The following USH1C variants were observed in gnomAD, a reference collection of about 807,000 sequenced individuals.
USH1C encodes the protein harmonin.
Under a neutral mutation model 119.3 loss-of-function variants are expected in USH1C, and 90 were observed. That is an observed-to-expected ratio of 0.75 (90% CI 0.64 to 0.90). USH1C has a LOEUF of 0.90. USH1C is among the 40% of genes least tolerant of loss of function. USH1C has a pLI of 0.00. For missense variants in USH1C, 1,165 were observed against 1,167.7 expected (o/e 1.00, Z 0.03); for synonymous variants, 465 against 443.3 (o/e 1.05, Z -0.62).
At chr11:17,527,593 C>T (rs1261140099) in intron 4 of USH1C, among the ~76,000 whole-genome samples, 1 of 152,188 alleles carries the variant, frequency 6.6e-6, no homozygotes, top group African/African-American at 2.4e-5. Context: ...AGCGGGTGTG[C>T]AGCAGAGCTG....
intron 24 of USH1C, 195 bp from the exon 25 acceptor site, chr11:17,497,008 G>C: frequency 1.7e-6 from 1 of 593,452 alleles, no homozygotes; most frequent in South Asian, 2.0e-5. Context: ...CGGGACCATA[G>C]AGGACAGGGC....
chr11:17,538,638 A>T (rs1328134304), intron 1 of USH1C, among the ~76,000 whole-genome samples: 1 of 152,112 alleles, frequency 6.6e-6, no homozygotes, highest in Non-Finnish European at 1.5e-5. Context: ...TGTGTGCTAG[A>T]TCTTTTCCTT....
chr11:17,517,966 C>G (rs1850231212), intron 14 of USH1C, among the ~76,000 whole-genome samples: 1 of 152,094 alleles, frequency 6.6e-6, no homozygotes, highest in Admixed American at 6.6e-5. Context: ...TGGGGACATC[C>G]CAAAAGGTAA....
At chr11:17,507,872 A>G (rs905444570) in intron 18 of USH1C, among the ~76,000 whole-genome samples, 4 of 152,188 alleles carry the variant, frequency 2.6e-5, no homozygotes, top group Admixed American at 1.3e-4. Flanking sequence ...CCTCTACTCT[A>G]CAGAGGTGTC....
Position 17,531,267 on chromosome 11 carries a change from G to C in USH1C, c.274C>G (p.Arg92Gly), listed in dbSNP as rs775407483. ...AGGCCGAGGCCTTCGGGGTGCAGAC[G>C]GTCCAGACGCACCTCCTTCAGCTTC... ...SRKLKEVRLD[R>G]LHPEGLGLSV... Residue 92 changes from arginine (R) to glycine (G), a missense_variant, in exon 4 of 27, where the codon CGT becomes GGT. Arg to Gly is a moderately radical substitution (Grantham distance 125). Coordinates refer to ENST00000005226, the MANE Select transcript of USH1C (RefSeq NM_153676.4). The surrounding 1 kb of genome is among the most constrained non-coding windows in gnomAD (Gnocchi z 4.2). The C allele has an allele frequency of 6.2e-7, 1 of 1,614,130 alleles. No homozygotes were observed. The highest frequency in any genetic ancestry group is 8.5e-7 in the Non-Finnish European group (1 of 1,180,034).
chr11:17,522,735 G>T, intron 12 of USH1C, 49 bp downstream of exon 12: 1 of 1,612,700 alleles, frequency 6.2e-7, no homozygotes, highest in Non-Finnish European at 8.5e-7. Flanking sequence ...GTGGGGTCGT[G>T]TGGTGGGGTG....
chr11:17,531,043 G>T lies in USH1C; in HGVS notation c.387+111C>A. 6.5e-7 allele frequency: 1 copy of T among 1,547,028 alleles called. No homozygotes were observed. Among genetic ancestry groups the T allele is most frequent in the Non-Finnish European group, 8.8e-7 (1 of 1,135,486 alleles). ...TGCGCCAGCCTCTTCTTCACCCGAA[G>T]GCTCAGAAAAGTGGGTGACCATGTT... On this transcript the variant is annotated intron_variant, in intron 4 of 26. Coordinates refer to ENST00000005226, the MANE Select transcript of USH1C (RefSeq NM_153676.4). This position sits in a 1 kb window ranked among gnomAD's most constrained non-coding sequence, Gnocchi z 4.2.
intron 20 of USH1C, 126 bp from the exon 21 acceptor site, chr11:17,502,106 G>C: frequency 3.1e-6 from 3 of 957,174 alleles, no homozygotes; most frequent in Non-Finnish European, 4.7e-6. Flanking sequence ...GAGAAGGCAC[G>C]GCCAGGGTAC....
intron 13 of USH1C, 53 bp downstream of exon 13, chr11:17,521,293 C>T: frequency 6.3e-7 from 1 of 1,597,216 alleles, no homozygotes; most frequent in African/African-American, 1.3e-5. Context: ...GGCCACACTC[C>T]CCTGAGCACA....
chr11:17,514,383 T>G (rs1037070876), intron 15 of USH1C: 4 of 152,204 alleles, frequency 2.6e-5, no homozygotes, highest in Non-Finnish European at 5.9e-5. Flanking sequence ...CACACCCAGC[T>G]AATTTTTGAA....
At chr11:17,533,510 C>T (rs922428280) in intron 1 of USH1C, 188 bp from the exon 2 acceptor site, 36 of 659,554 alleles carry the variant, frequency 5.5e-5, no homozygotes, top group Non-Finnish European at 9.6e-5. Flanking sequence ...ATGCAGACCA[C>T]CCCAACGTGG....
At chr11:17,509,292 G>A in intron 18 of USH1C, 64 bp downstream of exon 18, 1 of 1,506,952 alleles carries the variant, frequency 6.6e-7, no homozygotes, top group Non-Finnish European at 8.9e-7. Context: ...TGGAGGACAT[G>A]GGAAACAGCA....
At chr11:17,500,805 T>A (rs1849406577) in intron 23 of USH1C, among the ~76,000 whole-genome samples, 1 of 152,012 alleles carries the variant, frequency 6.6e-6, no homozygotes, top group African/African-American at 2.4e-5. Flanking sequence ...TCTGAGTCCG[T>A]CTCCCACCCT....
At position 17,509,736 on chromosome 11, in the gene USH1C, C is replaced by T. The variant is rs568121291; in HGVS notation, c.1633G>A (p.Asp545Asn). 29 of 1,600,516 alleles carry T rather than the reference C, an allele frequency of 1.8e-5. No homozygotes were observed. The African/African-American group carries it at 2.2e-4, about 12-fold the overall frequency. ...GLHLHTTDLD[D>N]IPLDMFYYPP... ...TAGTAGAACATGTCCAAAGGGATGTCGTCCAGGTCAGTGGTGTGCAGGTGC... is the reference window on the plus strand; with the variant it reads ...TAGTAGAACATGTCCAAAGGGATGTTGTCCAGGTCAGTGGTGTGCAGGTGC... Residue 545 changes from aspartate to asparagine, a missense_variant, in exon 18 of 27, where the codon GAC becomes AAC. By Grantham distance (23) the Asp-to-Asn change is conservative (BLOSUM62 1). Transcript: ENST00000005226.
chr11:17,542,863 G>T (rs1851523316), intron 1 of USH1C, among the ~76,000 whole-genome samples: 1 of 152,202 alleles, frequency 6.6e-6, no homozygotes, highest in South Asian at 2.1e-4. Flanking sequence ...GCTCTCTCAA[G>T]CTCCCCTTGG....
chr11:17,494,804 T>G, intron 26 of USH1C: 1 of 294,410 alleles, frequency 3.4e-6, no homozygotes, highest in South Asian at 3.6e-5. Flanking sequence ...CATCTGTGGC[T>G]TCAGGCCACA....
Position 17,499,324 on chromosome 11 carries a change from C to T in USH1C, c.2381-1053G>A, listed in dbSNP as rs1358298528. On this transcript the variant is annotated intron_variant, in intron 23 of 26. Transcript: ENST00000005226. ...CATGGTGGCTTAAAACACACGTGCTCCTAGGGAAGCTTCATCAGTGACTAG... is the reference window on the plus strand; with the variant it reads ...CATGGTGGCTTAAAACACACGTGCTTCTAGGGAAGCTTCATCAGTGACTAG... 2.6e-5 allele frequency among the ~76,000 whole-genome samples: 4 copies of T among 152,182 alleles called. No individual in the cohort carries two copies. In the East Asian group the frequency reaches 7.7e-4, roughly 29 times the overall value.
chr11:17,513,284 A>C (rs1303173920), intron 15 of USH1C, among the ~76,000 whole-genome samples: 1 of 152,042 alleles, frequency 6.6e-6, no homozygotes, highest in African/African-American at 2.4e-5. Flanking sequence ...GAGACAGCCC[A>C]CACCCTGGGC....
chr11:17,533,219 C>T (rs1851065299), intron 2 of USH1C, 36 bp downstream of exon 2: 1 of 1,575,306 alleles, frequency 6.3e-7, no homozygotes, highest in Non-Finnish European at 8.7e-7. Flanking sequence ...CAAAGGAACC[C>T]AAGTGGCCCA....
Sources: gnomAD v4.1 joint callset for allele counts (sites outside exome capture counted in the v4.1 genomes callset) on GRCh38, gnomAD v4.1.1 for gene constraint, Gnocchi (gnomAD v3.1) non-coding constraint, MANE v1.5 for transcripts, NCBI Gene and HGNC (gene_info 2026-07-23, HGNC 2026-07-21) for gene names.